Variants in CTNNB1 observed in about 807,000 individuals in gnomAD.
The protein encoded by CTNNB1 is catenin beta-1.
Under a neutral mutation model 82.5 loss-of-function variants are expected in CTNNB1, and 6 were observed. The ratio of observed to expected loss-of-function variants is 0.07; its 90% CI spans 0.04 to 0.14. The LOEUF (loss-of-function observed/expected upper bound fraction) is 0.14. Ranked by LOEUF, CTNNB1 falls within the 10% of genes least tolerant of loss-of-function variation. CTNNB1 has a pLI of 1.00. For synonymous variants in CTNNB1, 312 were observed against 329.7 expected (o/e 0.95, Z 0.58); for missense variants, 529 against 980.4 (o/e 0.54, Z 6.15).
intron 7 of CTNNB1, among the ~76,000 whole-genome samples, chr3:41,230,568 A>G (rs1400283001): frequency 6.6e-6 from 1 of 152,236 alleles, no homozygotes; most frequent in Non-Finnish European, 1.5e-5. Flanking sequence ...AAGGTGACAA[A>G]AATACTTAAA....
At chr3:41,216,859 G>A (rs150157382) in intron 1 of CTNNB1, among the ~76,000 whole-genome samples, 19 of 151,314 alleles carry the variant, frequency 1.3e-4, no homozygotes, top group Non-Finnish European at 1.9e-4. Flanking sequence ...GACCTTTTTC[G>A]TTCTCTTTAA....
chr3:41,233,363 T>G lies in CTNNB1; in HGVS notation c.1104T>G (p.Leu368=), dbSNP rs2078356418. Residue 368 remains leucine (L), a synonymous_variant, in exon 8 of 15, where the codon CTT becomes CTG. Transcript: ENST00000349496. ...VEAGGMQALG[L]HLTDPSQRLV... is the part of the protein sequence containing the mutation. ...TAGGTGGAATGCAAGCTTTAGGACT[T>G]CACCTGACAGATCCAAGTCAACGTC... The G allele has an allele frequency of 6.2e-7, 1 of 1,614,118 alleles. No homozygotes were observed. The highest frequency in any genetic ancestry group is 8.5e-7 in the Non-Finnish European group (1 of 1,180,040).
At chr3:41,230,323 A>C (rs1416424916) in intron 7 of CTNNB1, among the ~76,000 whole-genome samples, 1 of 152,168 alleles carries the variant, frequency 6.6e-6, no homozygotes, top group African/African-American at 2.4e-5. Flanking sequence ...TGGAGTGTTA[A>C]TTTTTATATC....
intron 1 of CTNNB1, among the ~76,000 whole-genome samples, chr3:41,214,526 G>C (rs1039800677): frequency 6.6e-5 from 10 of 151,984 alleles, no homozygotes; most frequent in Admixed American, 5.9e-4. Context: ...GTGTGATTTG[G>C]TCCAGCTTCT....
At position 41,239,125 on chromosome 3, in the gene CTNNB1, C is replaced by T. The variant is rs1455385247; in HGVS notation, c.2138-9C>T. ...CTTGCCTATTTTGTTGACACCCTGA[C>T]TCTTCTAGATCCTAGCTATCGTTCT... On this transcript the variant is annotated splice_polypyrimidine_tract_variant and intron_variant, in intron 14 of 14. Transcript: ENST00000349496. The T allele has an allele frequency of 6.2e-7, 1 of 1,612,798 alleles. No individual in the cohort carries two copies. The highest frequency in any genetic ancestry group is 1.1e-5 in the South Asian group (1 of 91,020).
chr3:41,199,931 G>T (rs1399175434), intron 1 of CTNNB1: 2 of 142,052 alleles, frequency 1.4e-5, no homozygotes, highest in African/African-American at 5.1e-5. Context: ...CGCCGCGGGG[G>T]CGCGTACAGG....
At chr3:41,215,923 T>A (rs571284143) in intron 1 of CTNNB1, among the ~76,000 whole-genome samples, 3 of 152,302 alleles carry the variant, frequency 2.0e-5, no homozygotes, top group African/African-American at 7.2e-5. Context: ...AGGATATAGT[T>A]CTTTACTATT....
chr3:41,200,842 G>T (rs1269799431), intron 1 of CTNNB1, among the ~76,000 whole-genome samples: 1 of 152,182 alleles, frequency 6.6e-6, no homozygotes, highest in African/African-American at 2.4e-5. Context: ...AGGGAGCGTT[G>T]TCTCCTACTT....
intron 1 of CTNNB1, among the ~76,000 whole-genome samples, chr3:41,202,213 T>C (rs2077547713): frequency 2.0e-5 from 3 of 152,226 alleles, no homozygotes; most frequent in African/African-American, 7.2e-5. Flanking sequence ...TCTGTCCTGT[T>C]ACAAGATTAT....
At position 41,236,588 on chromosome 3, in the gene CTNNB1, C is replaced by T. The variant is rs1031583127; in HGVS notation, c.1955C>T (p.Ala652Val). 4 of 1,614,048 alleles carry T rather than the reference C, an allele frequency of 2.5e-6. No homozygotes were observed. The highest frequency in any genetic ancestry group is 1.3e-5 in the African/African-American group (1 of 74,920). Residue 652 changes from alanine (A) to valine (V), a missense_variant and splice_region_variant, in exon 13 of 15, where the codon GCG (alanine) becomes GTG (valine). By Grantham distance (64) the Ala-to-Val change is moderately conservative (BLOSUM62 0). This residue lies in a region of CTNNB1 where 411 missense variants were observed against 776.4 expected (regional missense o/e 0.53). Coordinates refer to ENST00000349496, the MANE Select transcript of CTNNB1 (RefSeq NM_001904.4). ...GGGCCTTTTTCTCCTTGTCTCTTAG[C>T]GACATATGCAGCTGCTGTTTTGTTC... ...ELLHSRNEGV[A>V]TYAAAVLFRM...
At chr3:41,223,010 G>A (rs1361717078) in intron 1 of CTNNB1, among the ~76,000 whole-genome samples, 1 of 152,150 alleles carries the variant, frequency 6.6e-6, no homozygotes, top group Non-Finnish European at 1.5e-5. Context: ...GGCGGAGGTT[G>A]CAGTGAGCCC....
intron 1 of CTNNB1, among the ~76,000 whole-genome samples, chr3:41,203,246 A>T (rs2125583954): frequency 6.6e-6 from 1 of 151,524 alleles, no homozygotes; most frequent in African/African-American, 2.4e-5. Context: ...TTTATGTGGG[A>T]TATATTTAGG....
At chr3:41,228,070 C>T (rs889037005) in intron 7 of CTNNB1, among the ~76,000 whole-genome samples, 1 of 152,216 alleles carries the variant, frequency 6.6e-6, no homozygotes, top group Admixed American at 6.5e-5. Flanking sequence ...TTTATGGCTG[C>T]TTAGTATTCC....
At chr3:41,237,460 A>AAAAAAAAAAAAAAAC (rs2078464085) in intron 13 of CTNNB1, 1 of 152,656 alleles carries the variant, frequency 6.6e-6, no homozygotes, top group Non-Finnish European at 1.5e-5. Flanking sequence ...AAAAAAAAAA[A>AAAAAAAAAAAAAAAC]AAAAAAAGCA....
chr3:41,215,054 C>T (rs1046653934), intron 1 of CTNNB1, among the ~76,000 whole-genome samples: 3 of 151,834 alleles, frequency 2.0e-5, no homozygotes, highest in Non-Finnish European at 4.4e-5. Flanking sequence ...ATGAATCTTT[C>T]GTGGTTCTGA....
At chr3:41,210,087 ATT>A (rs2125593441) in intron 1 of CTNNB1, among the ~76,000 whole-genome samples, 1 of 152,266 alleles carries the variant, frequency 6.6e-6, no homozygotes, top group South Asian at 2.1e-4. Flanking sequence ...CTGTACAAAA[ATT>A]TTCTTTATAT....
At chr3:41,220,192 A>G (rs559758446) in intron 1 of CTNNB1, among the ~76,000 whole-genome samples, 315 of 151,980 alleles carry the variant, frequency 2.1e-3, no homozygotes, top group Non-Finnish European at 2.3e-3. Context: ...GAGATTTCCT[A>G]TTTCTTTTTT....
At position 41,240,257 on chromosome 3, in the gene CTNNB1, T is replaced by C. The variant is rs2078551319; in HGVS notation, c.*915T>C. 1 of 194,268 alleles carries C rather than the reference T, an allele frequency of 5.1e-6. No homozygotes were observed. The highest frequency in any genetic ancestry group is 1.9e-4 in the South Asian group (1 of 5,176). 12.0% of individuals were successfully genotyped at this position (194,268 alleles called of 1,614,324 possible). A position where few individuals can be genotyped will look rare whatever the true frequency, so the allele number is the denominator to read the frequency against. On this transcript the variant is annotated 3_prime_UTR_variant, in exon 15 of 15. Transcript: ENST00000349496. ...AAGCAGGTGGATCTATTTCATGTTT[T>C]TGATCAAAAACTATTTGGGATATGT...
chr3:41,220,128 C>A (rs546661733), intron 1 of CTNNB1, among the ~76,000 whole-genome samples: 2 of 151,712 alleles, frequency 1.3e-5, no homozygotes, highest in African/African-American at 4.8e-5. Flanking sequence ...GGAAGGAAGA[C>A]AGTTATGAAG....
Sources: allele counts gnomAD v4.1 joint callset (sites outside exome capture counted in the v4.1 genomes callset), GRCh38; gene constraint gnomAD v4.1.1; regional missense constraint gnomAD v4.1.1; transcripts MANE v1.5; gene names NCBI Gene and HGNC (gene_info 2026-07-23, HGNC 2026-07-21).